DNAH5: variants seen among roughly 807,000 people sequenced by gnomAD.
DNAH5 encodes the protein axonemal beta dynein heavy chain 5.
DNAH5 carries 372 observed loss-of-function variants against 518.2 expected under a neutral mutation model. That is an observed-to-expected ratio of 0.72 (90% CI 0.66 to 0.78). The LOEUF (loss-of-function observed/expected upper bound fraction) is 0.78, where lower values mean the gene tolerates loss of function less well. Among genes scored for constraint, DNAH5 ranks in the 30% least tolerant of loss-of-function variants. The pLI is 0.00. For synonymous variants in DNAH5, 2,039 were observed against 2,025.9 expected (o/e 1.01, Z -0.17); for missense variants, 5,523 against 5,687.0 (o/e 0.97, Z 0.93).
upstream of DNAH5, among the ~76,000 whole-genome samples, chr5:13,948,592 CTG>C (rs1403574775): frequency 1.3e-5 from 2 of 152,022 alleles, no homozygotes; most frequent in Non-Finnish European, 2.9e-5. Context: ...ATCTTGGAGA[CTG>C]GAATTCAACA....
chr5:13,743,779 T>C (rs72732605), intron 65 of DNAH5, among the ~76,000 whole-genome samples: 54,262 of 151,776 alleles, frequency 0.36, 10,039 homozygotes, highest in South Asian at 0.49. Context: ...CCCAGCTGGG[T>C]TGGCGATTAT....
chr5:13,771,016 T>C lies in DNAH5; in HGVS notation c.9374-36A>G, dbSNP rs1288340761. ...TAAAGATGACAGTGTGTGAAATATGTATGTAAGTTACCCTTTTAAAAGTTA... is the reference window on the plus strand; with the variant it reads ...TAAAGATGACAGTGTGTGAAATATGCATGTAAGTTACCCTTTTAAAAGTTA... On this transcript the variant is annotated intron_variant, in intron 55 of 78. Coordinates refer to ENST00000265104, the MANE Select transcript of DNAH5 (RefSeq NM_001369.3). The C allele has an allele frequency of 4.7e-6, 7 of 1,495,898 alleles. No homozygotes were observed. In the East Asian group the frequency reaches 1.4e-4, roughly 29 times the overall value. The allele number at this position is 1,495,898 out of a possible 1,614,324, so 92.7% of individuals were successfully genotyped here.
intron 1 of DNAH5, among the ~76,000 whole-genome samples, chr5:13,957,079 C>T (rs1780809835): frequency 6.6e-6 from 1 of 152,200 alleles, no homozygotes; most frequent in African/African-American, 2.4e-5. Context: ...ACAAGATTTA[C>T]AGCATTTCAA....
At chr5:13,837,457 G>A (rs11133764) in intron 35 of DNAH5, among the ~76,000 whole-genome samples, 32,266 of 151,688 alleles carry the variant, frequency 0.21, 3,545 homozygotes, top group East Asian at 0.5. Context: ...GGAGTCAGTG[G>A]GGGTGTTGGC....
chr5:13,854,128 G>T (rs2151890639), intron 30 of DNAH5, among the ~76,000 whole-genome samples: 1 of 152,248 alleles, frequency 6.6e-6, no homozygotes, highest in East Asian at 1.9e-4. Context: ...AGAGAGAAAT[G>T]TCGGGTTACC....
chr5:13,760,224 T>C (rs1751592077), intron 60 of DNAH5, among the ~76,000 whole-genome samples: 1 of 152,158 alleles, frequency 6.6e-6, no homozygotes, highest in African/African-American at 2.4e-5. Context: ...AATAAATAAA[T>C]AAATAAAATT....
At chr5:13,746,090 G>A (rs1749288147) in intron 65 of DNAH5, among the ~76,000 whole-genome samples, 1 of 151,988 alleles carries the variant, frequency 6.6e-6, no homozygotes, top group South Asian at 2.1e-4. Context: ...AAAACTTAAA[G>A]TTTAAAATAC....
At position 13,867,803 on chromosome 5, in the gene DNAH5, A is replaced by G; in HGVS notation, c.4024T>C (p.Cys1342Arg). 6.2e-7 allele frequency: 1 copy of G among 1,614,010 alleles called. No homozygotes were observed. Among genetic ancestry groups the G allele is most frequent in the South Asian group, 1.1e-5 (1 of 91,068 alleles). The change falls in exon 25 of 79, where the codon TGT (cysteine) becomes CGT (arginine). Residue 1342 changes from cysteine (C) to arginine (R), a missense_variant. Transcript: ENST00000265104. ...ISAVEVFLQD[C>R]HQFYLDYDLN... ...TCATAGTCCAGATAAAACTGGTGAC[A>G]ATCTTGGAGGAATACCTCCACAGCA...
chr5:13,758,195 T>C (rs1751276668), intron 61 of DNAH5, among the ~76,000 whole-genome samples: 1 of 152,182 alleles, frequency 6.6e-6, no homozygotes, highest in African/African-American at 2.4e-5. Flanking sequence ...TTGAATGCTC[T>C]AAAGTGAGAA....
chr5:13,746,780 C>T (rs1749400979), intron 65 of DNAH5, among the ~76,000 whole-genome samples: 1 of 151,948 alleles, frequency 6.6e-6, no homozygotes, highest in African/African-American at 2.4e-5. Context: ...TTTCTTTTAC[C>T]CTTGGCTCAT....
At chr5:13,696,362 G>A (rs1459696438) in intron 78 of DNAH5, among the ~76,000 whole-genome samples, 2 of 152,134 alleles carry the variant, frequency 1.3e-5, no homozygotes, top group African/African-American at 4.8e-5. Flanking sequence ...GACAGTGTGT[G>A]TGTGGCTTTA....
At chr5:13,997,503 T>TA (rs1784049975) in intron 1 of DNAH5, among the ~76,000 whole-genome samples, 1 of 152,212 alleles carries the variant, frequency 6.6e-6, no homozygotes, top group Non-Finnish European at 1.5e-5. Context: ...GTCAAATCTC[T>TA]ACCCCTGAGC....
At chr5:13,936,321 T>C (rs1560969097) in intron 1 of DNAH5, among the ~76,000 whole-genome samples, 2 of 152,198 alleles carry the variant, frequency 1.3e-5, no homozygotes, top group Non-Finnish European at 2.9e-5. Context: ...GTTTACACAA[T>C]CTACAGACTC....
At chr5:13,837,649 A>G (rs1023768699) in intron 35 of DNAH5, among the ~76,000 whole-genome samples, 4 of 149,860 alleles carry the variant, frequency 2.7e-5, no homozygotes, top group Non-Finnish European at 5.9e-5. Flanking sequence ...ACATAAAATA[A>G]CCACATAAGC....
chr5:13,818,437 A>T (rs373319581), intron 41 of DNAH5, among the ~76,000 whole-genome samples: 44 of 152,250 alleles, frequency 2.9e-4, no homozygotes, highest in African/African-American at 1.0e-3. Flanking sequence ...TCTCTGCTGA[A>T]AATACAAAAA....
intron 1 of DNAH5, among the ~76,000 whole-genome samples, chr5:13,978,413 G>T (rs1782432554): frequency 6.6e-6 from 1 of 152,222 alleles, no homozygotes; most frequent in Non-Finnish European, 1.5e-5. Flanking sequence ...AGGACTCCAT[G>T]GAAGAGAGAA....
intron 44 of DNAH5, 125 bp from the exon 45 acceptor site, chr5:13,810,385 G>C: frequency 1.2e-6 from 1 of 815,118 alleles, no homozygotes; most frequent in South Asian, 1.5e-5. Flanking sequence ...CAAGGGAAAG[G>C]ATGAATACAA....
intron 22 of DNAH5, among the ~76,000 whole-genome samples, chr5:13,875,406 G>T (rs1250255582): frequency 1.4e-5 from 2 of 144,156 alleles, no homozygotes; most frequent in African/African-American, 5.2e-5. Flanking sequence ...TGCAGAGGTT[G>T]CAGTGAGCCA....
At position 13,861,342 on chromosome 5, in the gene DNAH5, G is replaced by C. The variant is rs1768385167; in HGVS notation, c.4796+1206C>G. On this transcript the variant is annotated intron_variant, in intron 29 of 78. Coordinates refer to ENST00000265104, the MANE Select transcript of DNAH5 (RefSeq NM_001369.3). ...CTTTATATCCCAATATTACTTTAGT[G>C]TAACAAGTAAACTGAAATAAGAGAA... Among the ~76,000 whole-genome samples, 3 of 152,162 alleles carry C rather than the reference G, an allele frequency of 2.0e-5. No homozygotes were observed. The South Asian group carries it at 6.2e-4, about 32-fold the overall frequency.
Sources: gnomAD v4.1 joint callset for allele counts (sites outside exome capture counted in the v4.1 genomes callset) on GRCh38, gnomAD v4.1.1 for gene constraint, MANE v1.5 for transcripts, NCBI Gene and HGNC (gene_info 2026-07-23, HGNC 2026-07-21) for gene names.